The following PM20D1 variants were observed in gnomAD, a reference collection of about 807,000 sequenced individuals.
PM20D1 encodes the protein peptidase M20 domain containing 1, also known as N-fatty-acyl-amino acid synthase/hydrolase PM20D1.
PM20D1 carries 53 observed loss-of-function variants against 53.8 expected under a neutral mutation model. That is an observed-to-expected ratio of 0.98 (90% CI 0.79 to 1.24). PM20D1 has a LOEUF of 1.24. PM20D1 is among the 50% of genes most tolerant of loss of function. The pLI is 0.00. For missense variants in PM20D1, 564 were observed against 616.8 expected, an observed-to-expected ratio of 0.91 and a Z score of 0.91; for synonymous variants, 239 against 241.3, an observed-to-expected ratio of 0.99 and a Z score of 0.09.
chr1:205,828,720 A>AT lies in PM20D1; in HGVS notation c.1408dup (p.Ile470AsnfsTer7). The AT allele has an allele frequency of 1.2e-6, 2 of 1,613,988 alleles. No individual in the cohort carries two copies. Among genetic ancestry groups the AT allele is most frequent in the East Asian group, 2.2e-5 (1 of 44,884 alleles). ...TTGGGTCTCATAGGCTTGGACTGAG[A>AT]TTTTCTCGTTGACTCCATGGATGCT... On this transcript the variant is annotated frameshift_variant, in exon 13 of 13. Transcript: ENST00000367136. LOFTEE classifies it high-confidence loss of function.
At chr1:205,848,630 C>G (rs1008086605) in intron 1 of PM20D1, among the ~76,000 whole-genome samples, 1 of 152,190 alleles carries the variant, frequency 6.6e-6, no homozygotes, top group Non-Finnish European at 1.5e-5. Context: ...TAAGACTTTA[C>G]AGTTTTAAAG....
intron 10 of PM20D1, among the ~76,000 whole-genome samples, chr1:205,836,801 C>T (rs1656696155): frequency 6.6e-6 from 1 of 152,160 alleles, no homozygotes; most frequent in Admixed American, 6.5e-5. Flanking sequence ...CTATGCCTGG[C>T]CCTGCCTCTC....
chr1:205,841,802 G>A lies in PM20D1; in HGVS notation c.1044+9C>T. The A allele has an allele frequency of 1.3e-6, 2 of 1,560,324 alleles. No homozygotes were observed. Among genetic ancestry groups the A allele is most frequent in the Non-Finnish European group, 1.7e-6 (2 of 1,149,958 alleles). On this transcript the variant is annotated intron_variant, in intron 9 of 12. Transcript: ENST00000367136. Reference sequence around the variant, plus strand: ...GAAAAGCTATATGGGGAGGAACCAGGGATGTTACCTTGACCCCTGCTTTGA... The same window carrying A: ...GAAAAGCTATATGGGGAGGAACCAGAGATGTTACCTTGACCCCTGCTTTGA...
intron 4 of PM20D1, 55 bp from the exon 5 acceptor site, chr1:205,844,272 G>A (rs1204785548): frequency 6.6e-7 from 1 of 1,522,782 alleles, no homozygotes; most frequent in Non-Finnish European, 8.9e-7. Context: ...CAGACCTCCA[G>A]ACATAGCTAA....
chr1:205,849,856 G>A, intron 1 of PM20D1, 48 bp downstream of exon 1: 2 of 1,554,104 alleles, frequency 1.3e-6, no homozygotes, highest in Non-Finnish European at 1.7e-6. Context: ...CCTGGGGAGG[G>A]AGGGACCCAC....
intron 6 of PM20D1, among the ~76,000 whole-genome samples, chr1:205,842,999 G>A (rs1656852093): frequency 6.6e-6 from 1 of 152,088 alleles, no homozygotes; most frequent in Non-Finnish European, 1.5e-5. Context: ...AGAATCCTGT[G>A]TGTCCACTCT....
rs553171965 is a variant in PM20D1, at chr1:205,845,361, A to G, written c.453T>C (p.Tyr151=). Residue 151 remains tyrosine (Y), a synonymous_variant, in exon 3 of 13, where the codon TAT becomes TAC. Transcript: ENST00000367136. ...TCTTGTCGTCCAGTGTGCCCCGACC[A>G]TAGATGATGCCATCACGCTCCAACC... The part of the protein sequence containing the change: ...FSGLERDGII[Y]GRGTLDDKNS... The G allele has an allele frequency of 2.7e-5, 44 of 1,614,154 alleles. 1 individual carries two copies. In the South Asian group the frequency reaches 4.8e-4, roughly 18 times the overall value.
In PM20D1 at chr1:205,842,231, G is replaced by A. The variant is rs771689292; in HGVS notation, c.904-16C>T. ...GGAAGGGAAACTGGGAAAGAACAAG[G>A]TCAGCACCACAGGGTCACCTCTAGT... On this transcript the variant is annotated splice_polypyrimidine_tract_variant and intron_variant, in intron 7 of 12. Coordinates refer to ENST00000367136, the MANE Select transcript of PM20D1 (RefSeq NM_152491.5). The A allele has an allele frequency of 4.4e-6, 7 of 1,608,806 alleles. No individual in the cohort carries two copies. The highest frequency in any genetic ancestry group is 2.2e-5 in the East Asian group (1 of 44,850).
chr1:205,848,732 A>C (rs945908007), intron 1 of PM20D1, among the ~76,000 whole-genome samples: 2 of 152,240 alleles, frequency 1.3e-5, no homozygotes, highest in African/African-American at 4.8e-5. Context: ...CAGTGCAAAC[A>C]AATTCACCTG....
rs767719903 is a variant in PM20D1, at chr1:205,842,256, T to G, written c.904-41A>C. On this transcript the variant is annotated intron_variant, in intron 7 of 12. Coordinates refer to ENST00000367136, the MANE Select transcript of PM20D1 (RefSeq NM_152491.5). ...GTCAGCACCACAGGGTCACCTCTAG[T>G]TTAGCCTGGGTCTCTGAGACCTGAG... is the stretch of plus-strand genomic sequence containing the variant. 8 of 1,561,706 alleles carry G rather than the reference T, an allele frequency of 5.1e-6. No individual in the cohort carries two copies. In the South Asian group the frequency reaches 5.6e-5, roughly 11 times the overall value.
intron 6 of PM20D1, among the ~76,000 whole-genome samples, chr1:205,843,062 G>A (rs531755012): frequency 9.2e-5 from 14 of 152,244 alleles, no homozygotes; most frequent in Admixed American, 6.5e-5. Context: ...CAATTTGAAT[G>A]AATATAGCAC....
chr1:205,846,549 T>C (rs1055998031), intron 2 of PM20D1, among the ~76,000 whole-genome samples: 3 of 152,230 alleles, frequency 2.0e-5, no homozygotes, highest in Admixed American at 2.0e-4. Flanking sequence ...TAAATTATTA[T>C]ATTAAATTAG....
intron 1 of PM20D1, among the ~76,000 whole-genome samples, chr1:205,849,271 C>A (rs999376086): frequency 6.6e-6 from 1 of 152,130 alleles, no homozygotes. Context: ...AGATTCAGAA[C>A]AGGGATGAAT....
rs778628621 is a variant in PM20D1, at chr1:205,832,582, CTGA to C, written c.1285+13_1285+15del. ...AGCCCCCTCCTCCCTCCAGCCACAGCTGATGAAGTCATTACCTGGGGCAGTAAT... is the reference window on the plus strand; with the variant it reads ...AGCCCCCTCCTCCCTCCAGCCACAGCTGAAGTCATTACCTGGGGCAGTAAT... On this transcript the variant is annotated intron_variant, in intron 11 of 12. Transcript: ENST00000367136. The C allele has an allele frequency of 1.9e-6, 3 of 1,613,696 alleles. No homozygotes were observed. Among genetic ancestry groups the C allele is most frequent in the Non-Finnish European group, 2.5e-6 (3 of 1,179,700 alleles).
At chr1:205,839,125 T>C (rs938630430) in intron 10 of PM20D1, among the ~76,000 whole-genome samples, 2 of 152,232 alleles carry the variant, frequency 1.3e-5, no homozygotes, top group Admixed American at 1.3e-4. Context: ...CTCCTCAGCA[T>C]AGCATACAAG....
At chr1:205,844,488 G>A (rs1656895465) in intron 4 of PM20D1, among the ~76,000 whole-genome samples, 1 of 152,294 alleles carries the variant, frequency 6.6e-6, no homozygotes, top group Middle Eastern at 3.4e-3. Context: ...AGCATCATTG[G>A]AAATAAAACG....
rs561918278 is a variant in PM20D1 at position 205,830,808 on chromosome 1, T to C, written c.1286-429A>G. Among the ~76,000 whole-genome samples the C allele has an allele frequency of 2.6e-3, 400 of 151,942 alleles. 2 individuals are homozygous for C. The highest frequency in any genetic ancestry group is 3.6e-3 in the Non-Finnish European group (242 of 67,912). On this transcript the variant is annotated intron_variant, in intron 11 of 12. Transcript: ENST00000367136. ...CAGGGTGGCCAGTATCTTCATTTCA[T>C]ACCCAAGGCCATGGCTGTTTGCTGT...
chr1:205,833,225 C>G (rs1656601720), intron 10 of PM20D1, among the ~76,000 whole-genome samples: 1 of 152,208 alleles, frequency 6.6e-6, no homozygotes, highest in Non-Finnish European at 1.5e-5. Flanking sequence ...TGAGATATCC[C>G]TTCGATGGAA....
chr1:205,828,889 G>A (rs1571664480), intron 12 of PM20D1, 146 bp from the exon 13 acceptor site: 2 of 1,043,658 alleles, frequency 1.9e-6, no homozygotes, highest in Middle Eastern at 3.0e-4. Flanking sequence ...GCAAGGGAGG[G>A]GCCATCTGAG....
Sources: gnomAD v4.1 joint callset for allele counts (sites outside exome capture counted in the v4.1 genomes callset) on GRCh38, gnomAD v4.1.1 for gene constraint, MANE v1.5 for transcripts, NCBI Gene and HGNC (gene_info 2026-07-23, HGNC 2026-07-21) for gene names.